The following CTNNA3 variants were observed in gnomAD, a reference collection of about 807,000 sequenced individuals.
CTNNA3 encodes the protein catenin alpha-3.
In CTNNA3, 76 loss-of-function variants were observed where a neutral mutation model predicts 95.7. The observed-to-expected ratio is 0.79, with a 90% CI of 0.66 to 0.96. The LOEUF is 0.96. Ranked by LOEUF, CTNNA3 falls within the 40% of genes least tolerant of loss-of-function variation. CTNNA3 has a pLI of 0.00. For missense variants in CTNNA3, 1,191 were observed against 1,089.8 expected (o/e 1.09, Z -1.31); for synonymous variants, 431 against 374.4 (o/e 1.15, Z -1.74).
At chr10:66,461,555 T>A (rs1458550966) in intron 11 of CTNNA3, among the ~76,000 whole-genome samples, 1 of 151,858 alleles carries the variant, frequency 6.6e-6, no homozygotes, top group African/African-American at 2.4e-5. Context: ...AGTGCGTCAA[T>A]AAGACTCTTG....
chr10:66,015,224 T>C (rs565045436), intron 15 of CTNNA3, among the ~76,000 whole-genome samples: 7 of 152,266 alleles, frequency 4.6e-5, no homozygotes, highest in African/African-American at 1.7e-4. Context: ...GAGCTAGAAT[T>C]CCTTGATTCT....
intron 10 of CTNNA3, among the ~76,000 whole-genome samples, chr10:66,580,409 C>A (rs1166278288): frequency 6.6e-6 from 1 of 151,576 alleles, no homozygotes; most frequent in Non-Finnish European, 1.5e-5. Context: ...TTTATCATTT[C>A]TTTGTGTTGG....
chr10:66,612,977 T>C (rs1288293936), intron 10 of CTNNA3, among the ~76,000 whole-genome samples: 4 of 152,064 alleles, frequency 2.6e-5, no homozygotes, highest in Non-Finnish European at 4.4e-5. Flanking sequence ...AAACTTAATG[T>C]CAGCAAGGCT....
chr10:67,459,839 A>G (rs1847310663), intron 5 of CTNNA3, among the ~76,000 whole-genome samples: 2 of 152,194 alleles, frequency 1.3e-5, no homozygotes, highest in African/African-American at 4.8e-5. Context: ...GAACCTGAAG[A>G]ATCTACATTA....
intron 5 of CTNNA3, among the ~76,000 whole-genome samples, chr10:67,400,133 A>G (rs1207642389): frequency 7.5e-6 from 1 of 133,488 alleles, no homozygotes; most frequent in East Asian, 2.1e-4. Context: ...ATGTGTTCTC[A>G]TTGTTCAATT....
chr10:66,711,869 C>T (rs565215194), intron 9 of CTNNA3, among the ~76,000 whole-genome samples: 10 of 152,198 alleles, frequency 6.6e-5, no homozygotes, highest in Non-Finnish European at 1.0e-4. Context: ...TATACCCAAA[C>T]CTTACTTTCA....
At chr10:66,867,510 C>G (rs373324512) in intron 7 of CTNNA3, among the ~76,000 whole-genome samples, 15 of 152,258 alleles carry the variant, frequency 9.9e-5, no homozygotes, top group African/African-American at 3.4e-4. Flanking sequence ...TCTATTAGCT[C>G]TCACATTCTG....
intron 5 of CTNNA3, among the ~76,000 whole-genome samples, chr10:67,336,412 C>T (rs901722552): frequency 2.2e-4 from 34 of 152,106 alleles, no homozygotes; most frequent in Non-Finnish European, 1.5e-4. Context: ...GTTGGAAGCT[C>T]GCAGAGGTTG....
intron 9 of CTNNA3, among the ~76,000 whole-genome samples, chr10:66,735,479 T>A (rs1849104482): frequency 6.6e-6 from 1 of 152,004 alleles, no homozygotes; most frequent in Admixed American, 6.6e-5. Context: ...TCAAACATAC[T>A]AAGATTTAAT....
At chr10:67,309,184 C>CA (rs1182560358) in intron 5 of CTNNA3, among the ~76,000 whole-genome samples, 1 of 152,090 alleles carries the variant, frequency 6.6e-6, no homozygotes, top group Non-Finnish European at 1.5e-5. Flanking sequence ...ACAAGAGCCA[C>CA]AAAATCTCTC....
intron 11 of CTNNA3, among the ~76,000 whole-genome samples, chr10:66,433,198 G>A (rs2093311252): frequency 6.6e-6 from 1 of 151,946 alleles, no homozygotes; most frequent in Admixed American, 6.6e-5. Context: ...GGCATTTCTG[G>A]TTTTAGATCC....
intron 4 of CTNNA3, among the ~76,000 whole-genome samples, chr10:67,527,950 C>T (rs1247322298): frequency 6.6e-6 from 1 of 152,210 alleles, no homozygotes; most frequent in Non-Finnish European, 1.5e-5. Flanking sequence ...TCCTTCTCCA[C>T]CACAATGCTC....
At chr10:65,931,949 G>A (rs566922767) in intron 17 of CTNNA3, among the ~76,000 whole-genome samples, 2 of 152,294 alleles carry the variant, frequency 1.3e-5, no homozygotes, top group East Asian at 3.9e-4. Context: ...CAGCAACCAG[G>A]AGAAGCAAGA....
intron 9 of CTNNA3, among the ~76,000 whole-genome samples, chr10:66,693,646 A>G (rs1176161058): frequency 2.0e-5 from 3 of 152,048 alleles, no homozygotes; most frequent in African/African-American, 7.2e-5. Context: ...ACCCCAAATC[A>G]ACAGAATATA....
intron 6 of CTNNA3, among the ~76,000 whole-genome samples, chr10:67,195,503 A>G (rs1047923186): frequency 1.6e-5 from 2 of 123,250 alleles, no homozygotes; most frequent in Non-Finnish European, 3.3e-5. Flanking sequence ...ATGTTTTAAT[A>G]TCGGGGGCGG....
chr10:67,062,684 GC>G (rs1368863167), intron 7 of CTNNA3, among the ~76,000 whole-genome samples: 2 of 152,004 alleles, frequency 1.3e-5, no homozygotes, highest in African/African-American at 4.8e-5. Context: ...CATCATCTCT[GC>G]CCCCTTATAC....
intron 1 of CTNNA3, among the ~76,000 whole-genome samples, chr10:67,701,508 T>G (rs550050245): frequency 3.9e-5 from 6 of 152,294 alleles, no homozygotes; most frequent in Non-Finnish European, 5.9e-5. Context: ...ACCCAGAATT[T>G]CATATCCAGC....
At chr10:66,970,503 G>A (rs564772251) in intron 7 of CTNNA3, among the ~76,000 whole-genome samples, 1 of 50,076 alleles carries the variant, frequency 2.0e-5, no homozygotes, top group African/African-American at 6.7e-5. Context: ...ATTCTTGGGT[G>A]GGGGGGGGAT....
chr10:66,866,798 T>C (rs891000873), intron 7 of CTNNA3, among the ~76,000 whole-genome samples: 5 of 152,140 alleles, frequency 3.3e-5, no homozygotes, highest in Admixed American at 6.6e-5. Flanking sequence ...AGAAAAAGAA[T>C]AGCTGATAGA....
Sources: gnomAD v4.1 joint callset for allele counts (sites outside exome capture counted in the v4.1 genomes callset) on GRCh38, gnomAD v4.1.1 for gene constraint, MANE v1.5 for transcripts, NCBI Gene and HGNC (gene_info 2026-07-23, HGNC 2026-07-21) for gene names.